The following RPAP2 variants were observed in gnomAD, a reference collection of about 807,000 sequenced individuals.
RPAP2 encodes the protein RNA polymerase II associated protein 2.
Under a neutral mutation model 73.1 loss-of-function variants are expected in RPAP2, and 52 were observed. That is an observed-to-expected ratio of 0.71 (90% confidence interval 0.57 to 0.90). RPAP2 has a LOEUF of 0.90. Among genes scored for constraint, RPAP2 ranks in the 40% least tolerant of loss-of-function variants. The pLI is 0.00. For missense variants in RPAP2, 598 were observed against 701.8 expected (o/e 0.85, Z 1.67); for synonymous variants, 225 against 242.1 (o/e 0.93, Z 0.65).
intron 11 of RPAP2, among the ~76,000 whole-genome samples, chr1:92,349,589 C>G (rs1654094424): frequency 6.6e-6 from 1 of 152,180 alleles, no homozygotes; most frequent in African/African-American, 2.4e-5. Flanking sequence ...AGTAAGCCAT[C>G]TTCTCCTGGT....
chr1:92,337,426 G>GT (rs1653340681), intron 10 of RPAP2, among the ~76,000 whole-genome samples: 1 of 151,942 alleles, frequency 6.6e-6, no homozygotes, highest in South Asian at 2.1e-4. Context: ...AAGTTTTTCA[G>GT]TAAGTCTTTT....
At chr1:92,371,596 C>T (rs1239254504) in intron 11 of RPAP2, among the ~76,000 whole-genome samples, 1 of 151,598 alleles carries the variant, frequency 6.6e-6, no homozygotes, top group Admixed American at 6.6e-5. Flanking sequence ...TAAACAGCGG[C>T]ATATATTCAG....
intron 9 of RPAP2, among the ~76,000 whole-genome samples, chr1:92,335,555 G>T (rs1219115220): frequency 1.3e-5 from 2 of 151,786 alleles, no homozygotes; most frequent in South Asian, 2.1e-4. Context: ...CATTCTATTT[G>T]GTTCTCTCTG....
intron 11 of RPAP2, among the ~76,000 whole-genome samples, chr1:92,372,081 A>G (rs1655180122): frequency 2.0e-5 from 3 of 152,176 alleles, no homozygotes. Flanking sequence ...CAATGTACAC[A>G]TATTTCAAAA....
At position 92,398,131 on chromosome 1, in the gene RPAP2, T is replaced by C. The variant is rs1296859718; in HGVS notation, c.*11120T>C. 6.6e-6 allele frequency: 1 copy of C among 152,152 alleles called. No individual in the cohort carries two copies. The highest frequency in any genetic ancestry group is 1.5e-5 in the Non-Finnish European group (1 of 68,050). The allele number at this position is 152,152 out of a possible 1,614,324, so 9.4% of individuals were successfully genotyped here. ...TGGCACTGCACTCCAGCCTAGGCAA[T>C]AGAGTGAGACTGTCTCAAAAAATAA... On this transcript the variant is annotated 3_prime_UTR_variant, in exon 13 of 13. Transcript: ENST00000610020.
intron 8 of RPAP2, among the ~76,000 whole-genome samples, chr1:92,329,279 G>T (rs1467497609): frequency 6.6e-6 from 1 of 152,118 alleles, no homozygotes; most frequent in Non-Finnish European, 1.5e-5. Context: ...ATCAGGTGGG[G>T]GTACCATTGT....
chr1:92,346,054 T>G (rs1371379829), intron 11 of RPAP2, 140 bp downstream of exon 11: 1 of 538,090 alleles, frequency 1.9e-6, no homozygotes, highest in Non-Finnish European at 3.3e-6. Flanking sequence ...TCCTTTCCTA[T>G]GTAAGAAAAC....
chr1:92,326,271 A>G (rs1007457867), intron 8 of RPAP2, among the ~76,000 whole-genome samples: 3 of 152,152 alleles, frequency 2.0e-5, no homozygotes, highest in Admixed American at 6.5e-5. Flanking sequence ...ATTCAGCACT[A>G]TTTTATTTGC....
chr1:92,334,794 G>A (rs1180199749), intron 9 of RPAP2, among the ~76,000 whole-genome samples: 3 of 152,050 alleles, frequency 2.0e-5, no homozygotes, highest in Admixed American at 2.0e-4. Context: ...AGACCATCCT[G>A]GCTAACACGG....
intron 11 of RPAP2, among the ~76,000 whole-genome samples, chr1:92,376,825 T>G (rs1177699562): frequency 1.3e-5 from 2 of 152,236 alleles, no homozygotes; most frequent in Non-Finnish European, 2.9e-5. Flanking sequence ...TTGGGCTTTT[T>G]GAGATAAATT....
intron 6 of RPAP2, among the ~76,000 whole-genome samples, chr1:92,311,908 A>G (rs1040671540): frequency 1.4e-4 from 22 of 152,304 alleles, no homozygotes; most frequent in African/African-American, 5.3e-4. Flanking sequence ...GCAAGTATTA[A>G]TCTTTTTGCT....
At position 92,389,148 on chromosome 1, in the gene RPAP2, G is replaced by A. The variant is rs1039776432; in HGVS notation, c.*2137G>A. The A allele has an allele frequency of 6.6e-6, 1 of 152,324 alleles. No homozygotes were observed. Among genetic ancestry groups the A allele is most frequent in the Admixed American group, 6.5e-5 (1 of 15,276 alleles). The allele number at this position is 152,324 out of a possible 1,614,324, so 9.4% of individuals were successfully genotyped here. A position where few individuals can be genotyped will look rare whatever the true frequency, so the allele number is the denominator to read the frequency against. ...AGACATCTCCCAGTAGGCGCCGAAA[G>A]ACACCTCAGAGAGGTAGATGCCCCA... is the stretch of plus-strand genomic sequence containing the variant. On this transcript the variant is annotated 3_prime_UTR_variant, in exon 13 of 13. Transcript: ENST00000610020.
chr1:92,331,488 C>T (rs914822639), intron 8 of RPAP2, among the ~76,000 whole-genome samples: 1 of 152,032 alleles, frequency 6.6e-6, no homozygotes, highest in African/African-American at 2.4e-5. Flanking sequence ...TTTTTATATA[C>T]TCTTTTACTG....
At position 92,307,244 on chromosome 1, in the gene RPAP2, C is replaced by G; in HGVS notation, c.456C>G (p.Pro152=). Reference sequence around the variant, plus strand: ...CTAAGTTTTTTGAAGCACAAATTCCCAAAACTCCAGTATGGGTTCGAGAAG... The same window carrying G: ...CTAAGTTTTTTGAAGCACAAATTCCGAAAACTCCAGTATGGGTTCGAGAAG... ...QASKFFEAQI[P]KTPVWVREEE... is the part of the protein sequence containing the mutation. The change falls in exon 6 of 13, where the codon CCC becomes CCG. Residue 152 remains proline, a synonymous_variant. Transcript: ENST00000610020. The G allele has an allele frequency of 6.2e-7, 1 of 1,612,490 alleles. No individual in the cohort carries two copies. Among genetic ancestry groups the G allele is most frequent in the African/African-American group, 1.3e-5 (1 of 74,980 alleles).
At chr1:92,307,514 C>CTT (rs917572857) in intron 6 of RPAP2, among the ~76,000 whole-genome samples, 2 of 152,144 alleles carry the variant, frequency 1.3e-5, no homozygotes, top group Non-Finnish European at 2.9e-5. Flanking sequence ...AAAATCAGAA[C>CTT]TTTAACTCCA....
rs529278054 is a variant in RPAP2, at chr1:92,314,749, T to C, written c.489-5850T>C. 5.4e-5 allele frequency among the ~76,000 whole-genome samples: 7 copies of C among 129,884 alleles called. No individual in the cohort carries two copies. In the East Asian group the frequency reaches 9.1e-4, roughly 17 times the overall value. The allele number at this position is 129,884 out of a possible 152,430, so 85.2% of individuals were successfully genotyped here. ...CAGAGTGAGACTCCATCTCAATAAA[T>C]TAAAAAAAAAAAAGGCTGGGTGTGG... On this transcript the variant is annotated intron_variant, in intron 6 of 12. Transcript: ENST00000610020.
At chr1:92,326,589 G>A (rs2101193961) in intron 8 of RPAP2, among the ~76,000 whole-genome samples, 1 of 152,272 alleles carries the variant, frequency 6.6e-6, no homozygotes, top group Admixed American at 6.5e-5. Context: ...TGGGGGCAGG[G>A]CTATGTGCGT....
intron 2 of RPAP2, among the ~76,000 whole-genome samples, chr1:92,301,204 C>T (rs565868275): frequency 1.3e-5 from 2 of 152,254 alleles, no homozygotes; most frequent in South Asian, 2.1e-4. Context: ...AGAAATTTGG[C>T]CGGATGTGGT....
chr1:92,338,889 C>CG (rs1316840763), intron 10 of RPAP2, among the ~76,000 whole-genome samples: 3 of 152,020 alleles, frequency 2.0e-5, no homozygotes, highest in Non-Finnish European at 2.9e-5. Context: ...CAGACACAGG[C>CG]AAGAGCCACA....
Sources: gnomAD v4.1 joint callset for allele counts (sites outside exome capture counted in the v4.1 genomes callset) on GRCh38, gnomAD v4.1.1 for gene constraint, MANE v1.5 for transcripts, NCBI Gene and HGNC (gene_info 2026-07-23, HGNC 2026-07-21) for gene names.